The following IAH1 variants were observed in gnomAD, a reference collection of about 807,000 sequenced individuals.
IAH1 encodes the protein isoamyl acetate hydrolyzing esterase 1 (putative).
In IAH1, 24 loss-of-function variants were observed where a neutral mutation model predicts 26.7. The ratio of observed to expected loss-of-function variants is 0.90; its 90% CI spans 0.65 to 1.26. The LOEUF (loss-of-function observed/expected upper bound fraction) is 1.26. Ranked by LOEUF, IAH1 falls within the 50% of genes most tolerant of loss-of-function variation. IAH1 has a pLI of 0.00. For synonymous variants in IAH1, 140 were observed against 118.5 expected, an observed-to-expected ratio of 1.18 and a Z score of -1.18; for missense variants, 300 against 299.9, an observed-to-expected ratio of 1.00 and a Z score of 0.00.
chr2:9,475,645 C>T (rs927965076), intron 1 of IAH1: 5 of 321,146 alleles, frequency 1.6e-5, no homozygotes, highest in East Asian at 7.8e-5. Context: ...GGATTATAGA[C>T]GTGCGCCACC....
chr2:9,475,686 A>G, intron 1 of IAH1: 1 of 408,640 alleles, frequency 2.4e-6, no homozygotes, highest in Non-Finnish European at 4.5e-6. Flanking sequence ...ATTTTAGTAG[A>G]GACGGGGTTT....
the IAH1 span, among the ~76,000 whole-genome samples, chr2:9,509,633 T>C: frequency 6.6e-6 from 1 of 152,136 alleles, no homozygotes; most frequent in Admixed American, 6.5e-5. Context: ...AGAGTTAAAA[T>C]GAATGACAAC....
chr2:9,505,717 C>A, the IAH1 span: 2 of 264,138 alleles, frequency 7.6e-6, no homozygotes, highest in Non-Finnish European at 1.5e-5. Context: ...GACTTGAAAT[C>A]TCCTCACCTC....
At chr2:9,497,319 G>A (rs1049573999), downstream of IAH1, 52 of 1,577,064 alleles carry the variant, frequency 3.3e-5, no homozygotes, top group Non-Finnish European at 4.1e-5. Flanking sequence ...TGCATAATAC[G>A]CTGTTTCTCA....
At chr2:9,478,442 A>T in intron 3 of IAH1, 72 bp downstream of exon 3, 1 of 1,408,510 alleles carries the variant, frequency 7.1e-7, no homozygotes. Context: ...TGCATTTAAT[A>T]TACTTTTTTC....
the IAH1 span, among the ~76,000 whole-genome samples, chr2:9,504,401 C>T: frequency 6.6e-6 from 1 of 151,304 alleles, no homozygotes; most frequent in Non-Finnish European, 1.5e-5. Flanking sequence ...GCTGAGATCG[C>T]GCCACTGCAC....
intron 2 of IAH1, 65 bp downstream of exon 2, chr2:9,476,104 G>A (rs1660773060): frequency 1.5e-6 from 2 of 1,363,634 alleles, no homozygotes; most frequent in Non-Finnish European, 2.1e-6. Context: ...CCGTCTTATG[G>A]ATGAAGGATA....
downstream of IAH1, chr2:9,491,050 C>T: frequency 6.5e-7 from 1 of 1,537,256 alleles, no homozygotes; most frequent in Non-Finnish European, 8.9e-7. Context: ...CTTTGCCTAA[C>T]AGGGCCTCAG....
intron 3 of IAH1, among the ~76,000 whole-genome samples, chr2:9,478,870 C>G (rs183155160): frequency 6.6e-6 from 1 of 152,314 alleles, no homozygotes; most frequent in Non-Finnish European, 1.5e-5. Flanking sequence ...GGAAAGCTAG[C>G]CATGTAAGAG....
chr2:9,478,619 G>A (rs1660966279), intron 3 of IAH1, among the ~76,000 whole-genome samples: 4 of 152,176 alleles, frequency 2.6e-5, no homozygotes, highest in Admixed American at 2.6e-4. Context: ...GAGTCTGTTA[G>A]TGCTATGCTA....
intron 1 of IAH1, 44 bp from the exon 2 acceptor site, chr2:9,475,943 C>G (rs200504827): frequency 5.8e-6 from 9 of 1,564,932 alleles, no homozygotes; most frequent in African/African-American, 1.3e-5. Context: ...CTGAGATGCC[C>G]GGTTACAGTC....
chr2:9,511,865 G>A, the IAH1 span, among the ~76,000 whole-genome samples: 1 of 152,040 alleles, frequency 6.6e-6, no homozygotes. Flanking sequence ...CAGCTATTTG[G>A]GAGGCTGAGC....
chr2:9,483,889 G>A (rs1409554319), intron 4 of IAH1, among the ~76,000 whole-genome samples: 2 of 152,308 alleles, frequency 1.3e-5, no homozygotes, highest in African/African-American at 2.4e-5. Flanking sequence ...GCTTCAGGAC[G>A]GTTAAGCTGT....
At chr2:9,477,999 TTC>T (rs1354599257) in intron 2 of IAH1, among the ~76,000 whole-genome samples, 2 of 152,202 alleles carry the variant, frequency 1.3e-5, no homozygotes, top group Admixed American at 6.5e-5. Context: ...ATATAATTAC[TTC>T]TCTCACGGAG....
chr2:9,475,197 G>A (rs551025509), intron 1 of IAH1: 2 of 1,289,472 alleles, frequency 1.6e-6, no homozygotes, highest in Admixed American at 2.3e-5. Flanking sequence ...TCCCATGAAG[G>A]GAACGGTCTT....
chr2:9,494,876 T>C lies in IAH1; in HGVS notation c.*222+16T>C, dbSNP rs1662449223. On this transcript the variant is annotated intron_variant, in intron 6 of 6. Coordinates refer to the IAH1 transcript ENST00000481367. ...TCCCAAAGAGGTAAGAAATCACATTTATTTTTTATTTAAATAGCTAATACT... is the reference window on the plus strand; with the variant it reads ...TCCCAAAGAGGTAAGAAATCACATTCATTTTTTATTTAAATAGCTAATACT... The C allele has an allele frequency of 2.9e-6, 4 of 1,372,654 alleles. No homozygotes were observed. In the Admixed American group the frequency reaches 9.4e-5, roughly 32 times the overall value. The allele number at this position is 1,372,654 out of a possible 1,614,324, so 85.0% of individuals were successfully genotyped here.
At chr2:9,485,751 C>G (rs1661439813) in intron 5 of IAH1, 1 of 152,268 alleles carries the variant, frequency 6.6e-6, no homozygotes. Flanking sequence ...CACACAGATA[C>G]TGGTGAAGAG....
chr2:9,484,637 G>A (rs1369058487), intron 5 of IAH1, 87 bp downstream of exon 5: 1 of 839,152 alleles, frequency 1.2e-6, no homozygotes, highest in Non-Finnish European at 2.0e-6. Flanking sequence ...CCCTAGAAAG[G>A]CCCTGCTTAG....
intron 5 of IAH1, chr2:9,487,676 G>A (rs1661605121): frequency 6.4e-6 from 1 of 155,894 alleles, no homozygotes; most frequent in African/African-American, 2.4e-5. Context: ...AGACACCTCT[G>A]GTCAGATGCC....
Sources: allele counts gnomAD v4.1 joint callset (sites outside exome capture counted in the v4.1 genomes callset), GRCh38; gene constraint gnomAD v4.1.1; transcripts MANE v1.5; gene names NCBI Gene and HGNC (gene_info 2026-07-23, HGNC 2026-07-21).